The following LTBR variants were observed in gnomAD, a reference collection of about 807,000 sequenced individuals.
LTBR encodes lymphotoxin beta receptor.
Under a neutral mutation model 45.4 loss-of-function variants are expected in LTBR, and 15 were observed. The ratio of observed to expected loss-of-function variants is 0.33; its 90% CI spans 0.22 to 0.51. LTBR has a LOEUF of 0.51. LTBR is among the 20% of genes least tolerant of loss of function. The pLI is 0.97. For missense variants in LTBR, 450 were observed against 565.5 expected (o/e 0.80, Z 2.07); for synonymous variants, 228 against 231.0 (o/e 0.99, Z 0.12).
In LTBR at chr12:6,386,847, A is replaced by G. The variant is rs1057071127; in HGVS notation, c.667+403A>G. 1 of 168,060 alleles carries G rather than the reference A, an allele frequency of 6.0e-6. No homozygotes were observed. Among genetic ancestry groups the G allele is most frequent in the African/African-American group, 2.4e-5 (1 of 41,618 alleles). The allele number at this position is 168,060 out of a possible 1,614,324, so 10.4% of individuals were successfully genotyped here. ...AAGATTCCCATTTGACTCTTTCTTG[A>G]CTGTTTCCTGTGGACTGATTGGCTT... is the stretch of plus-strand genomic sequence containing the variant. On this transcript the variant is annotated intron_variant, in intron 6 of 9. Coordinates refer to ENST00000228918, the MANE Select transcript of LTBR (RefSeq NM_002342.3). This position sits in a 1 kb window ranked among gnomAD's most constrained non-coding sequence, Gnocchi z 4.1.
chr12:6,389,188 G>T, intron 8 of LTBR: 1 of 201,940 alleles, frequency 5.0e-6, no homozygotes, highest in Non-Finnish European at 1.0e-5. Context: ...TGATATTTGA[G>T]CGGAGAGCTG....
At chr12:6,387,320 G>T (rs572027864) in intron 6 of LTBR, 1 of 152,354 alleles carries the variant, frequency 6.6e-6, no homozygotes, top group East Asian at 1.9e-4. Context: ...TACTAAAAGT[G>T]AAGTAATTTT....
chr12:6,388,443 T>C lies in LTBR; in HGVS notation c.713T>C (p.Leu238Pro). Reference sequence around the variant, plus strand: ...GTTCTGCTGCCACTGGCCTTCTTTCTGCTCCTTGCCACCGTCTTCTCCTGC... The same window carrying C: ...GTTCTGCTGCCACTGGCCTTCTTTCCGCTCCTTGCCACCGTCTTCTCCTGC... The part of the protein sequence containing the change: ...LAVLLPLAFF[L>P]LLATVFSCIW... The change falls in exon 7 of 10, where the codon CTG (leucine) becomes CCG (proline). Residue 238 changes from leucine to proline, a missense_variant. Physicochemically the swap from Leu to Pro is moderately conservative, Grantham distance 98 (BLOSUM62 -3). Coordinates refer to ENST00000228918, the MANE Select transcript of LTBR (RefSeq NM_002342.3). This position sits in a 1 kb window ranked among gnomAD's most constrained non-coding sequence, Gnocchi z 4.3. 1.2e-6 allele frequency: 2 copies of C among 1,614,080 alleles called. No individual in the cohort carries two copies. The highest frequency in any genetic ancestry group is 1.7e-6 in the Non-Finnish European group (2 of 1,180,014).
At chr12:6,375,493 C>A in exon 1 of LTBR, 1 of 1,535,616 alleles carries the variant, frequency 6.5e-7, no homozygotes, top group South Asian at 1.2e-5. Flanking sequence ...CCAAACCTCT[C>A]CTCCCCCTCA....
chr12:6,388,915 C>A lies in LTBR; in HGVS notation c.801+90C>A. 1 of 1,456,902 alleles carries A rather than the reference C, an allele frequency of 6.9e-7. No homozygotes were observed. The highest frequency in any genetic ancestry group is 9.6e-7 in the Non-Finnish European group (1 of 1,040,854). 90.2% of individuals were successfully genotyped at this position (1,456,902 alleles called of 1,614,324 possible). ...GACAGGAAGAGAGTATGCAGGCTGA[C>A]TCCACACTCATTCATTCATTCAACT... On this transcript the variant is annotated intron_variant, in intron 8 of 9. Transcript: ENST00000228918. This position sits in a 1 kb window ranked among gnomAD's most constrained non-coding sequence, Gnocchi z 4.3.
chr12:6,384,297 G>T lies in LTBR; in HGVS notation c.-62G>T. The T allele has an allele frequency of 1.4e-6, 2 of 1,432,116 alleles. No homozygotes were observed. Among genetic ancestry groups the T allele is most frequent in the Non-Finnish European group, 1.8e-6 (2 of 1,098,268 alleles). 88.7% of individuals were successfully genotyped at this position (1,432,116 alleles called of 1,614,324 possible). A position where few individuals can be genotyped will look rare whatever the true frequency, so the allele number is the denominator to read the frequency against. On this transcript the variant is annotated 5_prime_UTR_variant, in exon 1 of 10. Coordinates refer to ENST00000228918, the MANE Select transcript of LTBR (RefSeq NM_002342.3). ...AGCCGCCGCCACCGCTGCCCAGGAC[G>T]TCGGGCCTCCTGCCTTCCTCCCAGG...
At chr12:6,375,389 C>T, upstream of LTBR, 1 of 1,489,154 alleles carries the variant, frequency 6.7e-7, no homozygotes. Context: ...TGCCCCAGGA[C>T]TGCAGGGCTC....
chr12:6,377,049 C>T, intron 1 of LTBR: 1 of 532,748 alleles, frequency 1.9e-6, no homozygotes, highest in Non-Finnish European at 3.3e-6. Flanking sequence ...CTGCAGGAGA[C>T]TCAGGAAGCC....
chr12:6,375,859 G>T (rs984843322), intron 1 of LTBR: 93 of 1,322,362 alleles, frequency 7.0e-5, no homozygotes, highest in Middle Eastern at 2.8e-4. Flanking sequence ...GAGGGCCTGG[G>T]TGGGGAACCG....
Position 6,384,165 on chromosome 12 carries a change from C to A in LTBR, c.-194C>A. On this transcript the variant is annotated 5_prime_UTR_variant, in exon 1 of 10. Transcript: ENST00000228918. ...CGCCCCGCGGCCAGCTCGCTCCACT[C>A]CCACTTCCTGAGCTCCGCCATGGGA... is the stretch of plus-strand genomic sequence containing the variant. 24 of 1,291,620 alleles carry A rather than the reference C, an allele frequency of 1.9e-5. No individual in the cohort carries two copies. The highest frequency in any genetic ancestry group is 2.3e-5 in the Non-Finnish European group (24 of 1,023,768). 80.0% of individuals were successfully genotyped at this position (1,291,620 alleles called of 1,614,324 possible).
At chr12:6,379,356 A>G (rs1036755761), upstream of LTBR, among the ~76,000 whole-genome samples, 1 of 152,050 alleles carries the variant, frequency 6.6e-6, no homozygotes, top group African/African-American at 2.4e-5. Flanking sequence ...TCCTCTGACA[A>G]CCCATTTATT....
intron 1 of LTBR, chr12:6,376,270 C>G (rs3759323): frequency 2.4e-6 from 2 of 837,310 alleles, no homozygotes; most frequent in Non-Finnish European, 2.9e-6. Context: ...CCAACCTTGT[C>G]CAGACCCGGG....
chr12:6,376,110 G>A, intron 1 of LTBR: 1 of 988,248 alleles, frequency 1.0e-6, no homozygotes, highest in Non-Finnish European at 1.2e-6. Flanking sequence ...GCACCCACAG[G>A]TCAGCCTCAC....
At chr12:6,377,154 A>G (rs1396350898) in intron 1 of LTBR, 2 of 1,003,918 alleles carry the variant, frequency 2.0e-6, no homozygotes, top group Non-Finnish European at 3.0e-6. Context: ...TCAGGGTCCA[A>G]CCTGGTCTGT....
chr12:6,377,622 C>T (rs1333261726), intron 1 of LTBR: 1 of 1,298,404 alleles, frequency 7.7e-7, no homozygotes, highest in East Asian at 4.7e-5. Context: ...CCACATATCC[C>T]AGAGACCCCT....
At position 6,391,250 on chromosome 12, in the gene LTBR, C is replaced by T; in HGVS notation, c.*313C>T. Reference sequence around the variant, plus strand: ...CCCACTACGGCACGCCGCACCGGAGCACGGCACCGAGGGAGCCGCCACACG... The same window carrying T: ...CCCACTACGGCACGCCGCACCGGAGTACGGCACCGAGGGAGCCGCCACACG... On this transcript the variant is annotated 3_prime_UTR_variant, in exon 10 of 10. Transcript: ENST00000228918. The T allele has an allele frequency of 3.8e-6, 1 of 261,178 alleles. No individual in the cohort carries two copies. The highest frequency in any genetic ancestry group is 7.2e-6 in the Non-Finnish European group (1 of 138,496). The allele number at this position is 261,178 out of a possible 1,614,324, so 16.2% of individuals were successfully genotyped here. A position where few individuals can be genotyped will look rare whatever the true frequency, so the allele number is the denominator to read the frequency against.
Position 6,386,472 on chromosome 12 carries a change from G to GGT in LTBR, c.667+29_667+30insTG, listed in dbSNP as rs776934360. 1.5e-5 allele frequency: 24 copies of GGT among 1,564,472 alleles called. No individual in the cohort carries two copies. The highest frequency in any genetic ancestry group is 3.4e-5 in the South Asian group (3 of 89,174). On this transcript the variant is annotated intron_variant, in intron 6 of 9. Transcript: ENST00000228918. The surrounding 1 kb of genome is among the most constrained non-coding windows in gnomAD (Gnocchi z 4.1). ...GAGGGACCAGGGCTGAGGGACACGG[G>GGT]GGGGGCGCCTCTGAAAATGCCTTAA... is the stretch of plus-strand genomic sequence containing the variant.
chr12:6,388,340 C>G lies in LTBR; in HGVS notation c.668-58C>G. On this transcript the variant is annotated intron_variant, in intron 6 of 9. Coordinates refer to ENST00000228918, the MANE Select transcript of LTBR (RefSeq NM_002342.3). The surrounding 1 kb of genome is among the most constrained non-coding windows in gnomAD (Gnocchi z 4.3). ...GGGATCTGGAAAGCTCTTCCTTCTCCTCCTCCCCTCTGCCCTTCTTGGGGC... is the reference window on the plus strand; with the variant it reads ...GGGATCTGGAAAGCTCTTCCTTCTCGTCCTCCCCTCTGCCCTTCTTGGGGC... 3.1e-6 allele frequency: 4 copies of G among 1,299,234 alleles called. No individual in the cohort carries two copies. Among genetic ancestry groups the G allele is most frequent in the South Asian group, 1.2e-5 (1 of 84,640 alleles). 80.5% of individuals were successfully genotyped at this position (1,299,234 alleles called of 1,614,324 possible).
upstream of LTBR, chr12:6,375,346 C>G (rs545280299): frequency 3.5e-5 from 51 of 1,447,674 alleles, no homozygotes; most frequent in Non-Finnish European, 4.2e-5. Flanking sequence ...CAGCCTCTGG[C>G]CCTGACCTCG....
Sources: gnomAD v4.1 joint callset for allele counts (sites outside exome capture counted in the v4.1 genomes callset) on GRCh38, gnomAD v4.1.1 for gene constraint, Gnocchi (gnomAD v3.1) non-coding constraint, MANE v1.5 for transcripts, NCBI Gene and HGNC (gene_info 2026-07-23, HGNC 2026-07-21) for gene names.